Variants in SERPINA12 observed in about 807,000 individuals in gnomAD.
SERPINA12 encodes the protein serpin family A member 12.
SERPINA12 carries 21 observed loss-of-function variants against 25.9 expected under a neutral mutation model. The observed-to-expected ratio is 0.81, with a 90% CI of 0.58 to 1.17. SERPINA12 has a LOEUF of 1.17. Among genes scored for constraint, SERPINA12 ranks in the 50% most tolerant of loss-of-function variants. The probability of loss-of-function intolerance (pLI) is 0.00; values close to 1 mark genes in which losing one functional copy is unlikely to be tolerated. For missense variants in SERPINA12, 562 were observed against 508.3 expected (o/e 1.11, Z -1.02); for synonymous variants, 220 against 196.0 (o/e 1.12, Z -1.02).
At chr14:94,502,415 C>A (rs150591787) in intron 1 of SERPINA12, among the ~76,000 whole-genome samples, 2 of 152,098 alleles carry the variant, frequency 1.3e-5, no homozygotes, top group Non-Finnish European at 2.9e-5. Flanking sequence ...CACACCGTCC[C>A]GATCAGCCAA....
chr14:94,511,714 G>A, upstream of SERPINA12: 1 of 985,380 alleles, frequency 1.0e-6, no homozygotes, highest in South Asian at 4.7e-5. Context: ...CAGAACTTGA[G>A]TTGAAAAGCA....
intron 3 of SERPINA12, among the ~76,000 whole-genome samples, chr14:94,496,152 A>C (rs75082283): frequency 3.9e-5 from 6 of 152,044 alleles, no homozygotes; most frequent in African/African-American, 1.4e-4. Flanking sequence ...CTCCAGTAAG[A>C]CTCCATCTAC....
In SERPINA12 at chr14:94,497,240, A is replaced by G. The variant is rs572257328; in HGVS notation, c.634+524T>C. Among the ~76,000 whole-genome samples the G allele has an allele frequency of 1.1e-4, 16 of 152,302 alleles. 1 individual carries two copies. The South Asian group carries it at 3.3e-3, about 32-fold the overall frequency. On this transcript the variant is annotated intron_variant, in intron 2 of 4. Transcript: ENST00000677451. ...TCTCCATCAGATCTGGGAAATATAT[A>G]AAGTCTGATAAGGAGAATTTATATA...
chr14:94,509,786 T>C (rs559181198), upstream of SERPINA12, among the ~76,000 whole-genome samples: 1 of 152,240 alleles, frequency 6.6e-6, no homozygotes, highest in African/African-American at 2.4e-5. Context: ...GTAAACCTCA[T>C]AAAAGTGAGT....
Position 94,498,128 on chromosome 14 carries a change from G to C in SERPINA12, c.270C>G (p.Ala90=), listed in dbSNP as rs773059255. The change falls in exon 2 of 5, where the codon GCC becomes GCG. Residue 90 remains alanine (A), a synonymous_variant. Transcript: ENST00000677451. ...TGATCTCGTCCAGGGTGCTGTCCTG[G>C]GCACCCAGGCACAGCATGGAGAAAG... The part of the protein sequence containing the change: ...STAFSMLCLG[A]QDSTLDEIKQ... The C allele has an allele frequency of 6.2e-7, 1 of 1,614,082 alleles. No individual in the cohort carries two copies. Among genetic ancestry groups the C allele is most frequent in the Non-Finnish European group, 8.5e-7 (1 of 1,180,032 alleles).
intron 3 of SERPINA12, among the ~76,000 whole-genome samples, chr14:94,493,848 G>A (rs905768908): frequency 1.3e-5 from 2 of 152,232 alleles, no homozygotes; most frequent in Non-Finnish European, 2.9e-5. Flanking sequence ...AGGAGATGAA[G>A]CCTGAAGCCA....
At chr14:94,488,748 C>G (rs1255282886) in intron 4 of SERPINA12, among the ~76,000 whole-genome samples, 1 of 152,194 alleles carries the variant, frequency 6.6e-6, no homozygotes, top group Non-Finnish European at 1.5e-5. Flanking sequence ...GGGCCACAGG[C>G]CCCTTTGCTT....
At chr14:94,511,527 T>C (rs975681204), upstream of SERPINA12, 1 of 985,328 alleles carries the variant, frequency 1.0e-6, no homozygotes, top group Non-Finnish European at 1.2e-6. Context: ...AAATGCTGGC[T>C]CCTGGGATGG....
At chr14:94,502,413 C>T (rs1228141554) in intron 1 of SERPINA12, among the ~76,000 whole-genome samples, 8 of 152,178 alleles carry the variant, frequency 5.3e-5, no homozygotes, top group Non-Finnish European at 1.2e-4. Flanking sequence ...CCCACACCGT[C>T]CCGATCAGCC....
chr14:94,504,501 G>A (rs554892123), intron 1 of SERPINA12, among the ~76,000 whole-genome samples: 1 of 152,238 alleles, frequency 6.6e-6, no homozygotes, highest in Non-Finnish European at 1.5e-5. Flanking sequence ...TGCTGCCCAT[G>A]GGAACAGGTT....
chr14:94,508,511 C>T (rs972330001), intron 1 of SERPINA12, among the ~76,000 whole-genome samples: 2 of 151,960 alleles, frequency 1.3e-5, no homozygotes, highest in African/African-American at 4.8e-5. Context: ...AGGAAACAAA[C>T]AAATCATTTC....
Position 94,489,701 on chromosome 14 carries a change from GGA to G in SERPINA12, c.970_971del (p.Ser324LeufsTer9), listed in dbSNP as rs573952420. The G allele has an allele frequency of 9.4e-5, 151 of 1,614,162 alleles. 1 individual carries two copies. In the East Asian group the frequency reaches 3.1e-3, roughly 33 times the overall value. On this transcript the variant is annotated frameshift_variant, in exon 4 of 5. Transcript: ENST00000677451. LOFTEE classifies it high-confidence loss of function. ...TGTFDLKKTL[S>X]YIGVSKIFEE... The stretch of plus-strand genomic sequence containing the variant: ...CAAAGATTTTGGAGACACCTATGTA[GGA>G]GAGAGTCTTCTTCAGGTCGAAGGTG...
Position 94,489,849 on chromosome 14 carries a change from CAT to C in SERPINA12, c.906-84_906-83del, listed in dbSNP as rs1401777742. 8.6e-6 allele frequency: 12 copies of C among 1,395,254 alleles called. No homozygotes were observed. The East Asian group carries it at 2.8e-4, about 32-fold the overall frequency. The allele number at this position is 1,395,254 out of a possible 1,614,324, so 86.4% of individuals were successfully genotyped here. On this transcript the variant is annotated intron_variant, in intron 3 of 4. Transcript: ENST00000677451. ...GCCTCAGGATACATGACCAATGAAA[CAT>C]GTGTCCTCCCAGCCCCAAAGGTCTC...
intron 2 of SERPINA12, 62 bp from the exon 3 acceptor site, chr14:94,496,705 A>G: frequency 5.1e-6 from 7 of 1,381,064 alleles, no homozygotes; most frequent in South Asian, 1.2e-5. Context: ...ACTAAATCCA[A>G]CTAACCAGTA....
rs750614940 is a variant in SERPINA12, at chr14:94,498,185, G to A, written c.213C>T (p.Asn71=). ...AGATGCTCAAGGGGGATAGGAAGAT[G>A]TTCCTGCCAGGGTTGTAAAAGGCCA... ...KKLAFYNPGR[N]IFLSPLSIST... The change falls in exon 2 of 5, where the codon AAC becomes AAT. Residue 71 remains asparagine (N), a synonymous_variant. Transcript: ENST00000677451. The A allele has an allele frequency of 1.2e-6, 2 of 1,614,196 alleles. No homozygotes were observed. Among genetic ancestry groups the A allele is most frequent in the South Asian group, 2.2e-5 (2 of 91,082 alleles).
intron 3 of SERPINA12, among the ~76,000 whole-genome samples, chr14:94,495,782 CT>C (rs1393176883): frequency 6.6e-6 from 1 of 152,232 alleles, no homozygotes; most frequent in Non-Finnish European, 1.5e-5. Context: ...GTCCCCAAGA[CT>C]TAAACCCAAC....
chr14:94,513,940 C>G, upstream of SERPINA12, among the ~76,000 whole-genome samples: 1 of 152,168 alleles, frequency 6.6e-6, no homozygotes, highest in South Asian at 2.1e-4. Flanking sequence ...CAGTGGCTCC[C>G]TGGGGACCTC....
intron 4 of SERPINA12, among the ~76,000 whole-genome samples, chr14:94,488,188 A>G (rs1172844964): frequency 6.6e-6 from 1 of 152,218 alleles, no homozygotes; most frequent in Non-Finnish European, 1.5e-5. Flanking sequence ...GTTTGTGGGA[A>G]GTCTGTGGCA....
intron 1 of SERPINA12, among the ~76,000 whole-genome samples, chr14:94,500,150 C>T (rs943059897): frequency 1.3e-5 from 2 of 152,174 alleles, no homozygotes; most frequent in African/African-American, 4.8e-5. Context: ...TCCTTCTACG[C>T]CAAGCACTGT....
Sources: gnomAD v4.1 joint callset for allele counts (sites outside exome capture counted in the v4.1 genomes callset) on GRCh38, gnomAD v4.1.1 for gene constraint, MANE v1.5 for transcripts, NCBI Gene and HGNC (gene_info 2026-07-23, HGNC 2026-07-21) for gene names.